The following WWP2 variants were observed in gnomAD, a reference collection of about 807,000 sequenced individuals.
WWP2 encodes WW domain containing E3 ubiquitin protein ligase 2, also known as NEDD4-like E3 ubiquitin-protein ligase WWP2.
In WWP2, 57 loss-of-function variants were observed where a neutral mutation model predicts 121.0. The observed-to-expected ratio is 0.47, with a 90% CI of 0.38 to 0.59. WWP2 has a LOEUF of 0.59. Among genes scored for constraint, WWP2 ranks in the 20% least tolerant of loss-of-function variants. The pLI is 0.00. For synonymous variants in WWP2, 449 were observed against 441.3 expected (o/e 1.02, Z -0.22); for missense variants, 962 against 1,158.9 (o/e 0.83, Z 2.47).
chr16:69,835,473 A>T (rs1467171609), intron 4 of WWP2, among the ~76,000 whole-genome samples: 1 of 152,222 alleles, frequency 6.6e-6, no homozygotes, highest in Non-Finnish European at 1.5e-5. Context: ...ATTTAAAAAA[A>T]CCTTTCCCCA....
chr16:69,909,553 T>G, intron 9 of WWP2: 1 of 985,450 alleles, frequency 1.0e-6, no homozygotes, highest in Non-Finnish European at 1.2e-6. Flanking sequence ...TGCTTTTAGC[T>G]CCAGTTTTCC....
chr16:69,911,843 T>C (rs1160554222), intron 9 of WWP2, among the ~76,000 whole-genome samples: 1 of 152,228 alleles, frequency 6.6e-6, no homozygotes, highest in East Asian at 1.9e-4. Flanking sequence ...GAGATGTTAA[T>C]CAAAGTTTAG....
At chr16:69,829,939 C>T (rs866086958) in intron 4 of WWP2, among the ~76,000 whole-genome samples, 15 of 146,508 alleles carry the variant, frequency 1.0e-4, no homozygotes, top group East Asian at 2.0e-4. Context: ...CATAGGCACA[C>T]GCCACTGCGC....
rs373628403 is a variant in WWP2, at chr16:69,937,257, T to A, written c.2238+19T>A. The stretch of plus-strand genomic sequence containing the variant: ...GCTGGAGGTGAGTGTCTGAGGTTGC[T>A]GGGACCCTGAGCCCCTGCCTCTGGG... On this transcript the variant is annotated intron_variant, in intron 20 of 23. Coordinates refer to ENST00000359154, the MANE Select transcript of WWP2 (RefSeq NM_001270454.2). The surrounding 1 kb of genome is among the most constrained non-coding windows in gnomAD (Gnocchi z 6.6). 3.7e-6 allele frequency: 6 copies of A among 1,612,462 alleles called. No homozygotes were observed. Among genetic ancestry groups the A allele is most frequent in the Non-Finnish European group, 5.1e-6 (6 of 1,179,498 alleles).
intron 4 of WWP2, among the ~76,000 whole-genome samples, chr16:69,807,506 C>T (rs1257119531): frequency 6.6e-6 from 1 of 150,552 alleles, no homozygotes; most frequent in African/African-American, 2.4e-5. Context: ...CTGGTCCCAG[C>T]TACTCGGGAG....
chr16:69,938,053 C>T (rs577309785), intron 21 of WWP2, among the ~76,000 whole-genome samples: 6 of 151,528 alleles, frequency 4.0e-5, no homozygotes, highest in African/African-American at 4.9e-5. Context: ...TTGTTGTTGT[C>T]GTTATGAAAT....
At chr16:69,856,088 A>G (rs1382328122) in intron 6 of WWP2, among the ~76,000 whole-genome samples, 1 of 152,214 alleles carries the variant, frequency 6.6e-6, no homozygotes, top group Non-Finnish European at 1.5e-5. Context: ...CCTGGGCAGC[A>G]TAACAAGACT....
intron 4 of WWP2, among the ~76,000 whole-genome samples, chr16:69,805,990 A>G (rs77247008): frequency 0.024 from 3,695 of 152,072 alleles, 273 homozygotes; most frequent in East Asian, 0.16. Context: ...TGAGGCCAGT[A>G]GTTTGAGACC....
In WWP2 at chr16:69,940,155, T is replaced by C; in HGVS notation, c.*215T>C. ...GGCAGTCTGGAATAAAGCCCCCTAG[T>C]TGCCTTTGGCCCCACCTTTGCAAAG... On this transcript the variant is annotated 3_prime_UTR_variant, in exon 24 of 24. Transcript: ENST00000359154. 1 of 577,194 alleles carries C rather than the reference T, an allele frequency of 1.7e-6. No individual in the cohort carries two copies. Among genetic ancestry groups the C allele is most frequent in the African/African-American group, 1.9e-5 (1 of 53,510 alleles). The allele number at this position is 577,194 out of a possible 1,614,324, so 35.8% of individuals were successfully genotyped here. A position where few individuals can be genotyped will look rare whatever the true frequency, so the allele number is the denominator to read the frequency against.
intron 7 of WWP2, among the ~76,000 whole-genome samples, chr16:69,887,461 AG>A (rs2151937495): frequency 6.6e-6 from 1 of 152,208 alleles, no homozygotes; most frequent in Admixed American, 6.5e-5. Flanking sequence ...GCTGGAGTGC[AG>A]TGGCATAGTC....
chr16:69,785,864 T>C (rs977088707), intron 1 of WWP2: 1 of 152,180 alleles, frequency 6.6e-6, no homozygotes, highest in African/African-American at 2.4e-5. Context: ...TGACCTCAGA[T>C]GATCTACCTG....
chr16:69,917,685 T>G (rs2058496502), intron 9 of WWP2, 24 bp from the exon 10 acceptor site: 2 of 1,593,374 alleles, frequency 1.3e-6, no homozygotes, highest in Non-Finnish European at 1.7e-6. Flanking sequence ...GTCATTATAT[T>G]CATTCTGAGG....
chr16:69,833,062 T>C (rs2056819870), intron 4 of WWP2, among the ~76,000 whole-genome samples: 1 of 151,356 alleles, frequency 6.6e-6, no homozygotes, highest in African/African-American at 2.4e-5. Flanking sequence ...TCTCACTTTG[T>C]TGCCCAGGCT....
intron 1 of WWP2, among the ~76,000 whole-genome samples, chr16:69,780,122 G>C (rs1295892907): frequency 6.6e-6 from 1 of 152,182 alleles, no homozygotes; most frequent in Non-Finnish European, 1.5e-5. Flanking sequence ...CTTCTGTTCT[G>C]AACTTGGTGT....
intron 6 of WWP2, among the ~76,000 whole-genome samples, chr16:69,846,049 CAAAAAA>C (rs57201672): frequency 1.3e-4 from 6 of 45,596 alleles, no homozygotes; most frequent in South Asian, 1.3e-3. Flanking sequence ...GACTCCATCT[CAAAAAA>C]AAAAAAAAAA....
At chr16:69,844,630 C>T (rs1360268247) in intron 6 of WWP2, among the ~76,000 whole-genome samples, 1 of 152,160 alleles carries the variant, frequency 6.6e-6, no homozygotes, top group Non-Finnish European at 1.5e-5. Flanking sequence ...GAGAATGACA[C>T]CAGGTCATCG....
At chr16:69,825,713 C>A (rs1167752275) in intron 4 of WWP2, among the ~76,000 whole-genome samples, 2 of 149,768 alleles carry the variant, frequency 1.3e-5, no homozygotes, top group Non-Finnish European at 3.0e-5. Context: ...GCAGCCTTGA[C>A]CTCCTGGGCT....
At chr16:69,933,383 G>T (rs571641951) in intron 16 of WWP2, among the ~76,000 whole-genome samples, 1 of 152,140 alleles carries the variant, frequency 6.6e-6, no homozygotes, top group African/African-American at 2.4e-5. Flanking sequence ...GGGGTCTGGG[G>T]GTGAAGGGAG....
intron 4 of WWP2, among the ~76,000 whole-genome samples, chr16:69,821,374 G>A (rs1486409552): frequency 5.9e-5 from 9 of 152,158 alleles, no homozygotes; most frequent in African/African-American, 2.2e-4. Flanking sequence ...AAGTAAACAC[G>A]GAGGCCCTGC....
Sources: gnomAD v4.1 joint callset for allele counts (sites outside exome capture counted in the v4.1 genomes callset) on GRCh38, gnomAD v4.1.1 for gene constraint, Gnocchi (gnomAD v3.1) non-coding constraint, MANE v1.5 for transcripts, NCBI Gene and HGNC (gene_info 2026-07-23, HGNC 2026-07-21) for gene names.